WDR27: variants seen among roughly 807,000 people sequenced by gnomAD.
WDR27 encodes the protein WD repeat-containing protein 27.
In WDR27, 100 loss-of-function variants were observed where a neutral mutation model predicts 114.4. The ratio of observed to expected loss-of-function variants is 0.87; its 90% CI spans 0.74 to 1.03. The LOEUF (loss-of-function observed/expected upper bound fraction) is 1.03. WDR27 is among the 50% of genes least tolerant of loss of function. The pLI is 0.00. For missense variants in WDR27, 1,129 were observed against 1,092.9 expected (o/e 1.03, Z -0.47); for synonymous variants, 449 against 423.1 (o/e 1.06, Z -0.75).
chr6:169,435,033 C>T, the WDR27 span, among the ~76,000 whole-genome samples: 1 of 152,188 alleles, frequency 6.6e-6, no homozygotes, highest in Non-Finnish European at 1.5e-5. Flanking sequence ...GGACTTGGTG[C>T]CCTGTGTCCC....
intron 25 of WDR27, among the ~76,000 whole-genome samples, chr6:169,485,715 T>C (rs1788794185): frequency 6.6e-6 from 1 of 152,236 alleles, no homozygotes. Flanking sequence ...ACGTGTACGT[T>C]CACTGCAGCA....
chr6:169,509,576 T>C (rs1218730652), intron 25 of WDR27, among the ~76,000 whole-genome samples: 1 of 151,710 alleles, frequency 6.6e-6, no homozygotes, highest in Non-Finnish European at 1.5e-5. Flanking sequence ...TGGCTAGCCA[T>C]ATGTAGAAAG....
rs374881890 is a variant in WDR27, at chr6:169,574,728, C to G, written c.2524-2188G>C. On this transcript the variant is annotated intron_variant, in intron 24 of 25. Coordinates refer to ENST00000448612, the MANE Select transcript of WDR27 (RefSeq NM_182552.5). ...GCGCCCTGTCCCCAACCCTTTCTCACAGCCCAGTGCTCTCACCCTCAGTCC... is the reference window on the plus strand; with the variant it reads ...GCGCCCTGTCCCCAACCCTTTCTCAGAGCCCAGTGCTCTCACCCTCAGTCC... Among the ~76,000 whole-genome samples the G allele has an allele frequency of 2.0e-4, 30 of 152,334 alleles. No homozygotes were observed. The East Asian group carries it at 2.7e-3, about 14-fold the overall frequency.
intron 2 of WDR27, among the ~76,000 whole-genome samples, chr6:169,678,676 C>G (rs1040115127): frequency 2.0e-5 from 3 of 152,124 alleles, no homozygotes; most frequent in African/African-American, 4.8e-5. Context: ...ACCATAAATT[C>G]TCAGCAGATG....
At chr6:169,666,827 A>G (rs1827955011) in intron 6 of WDR27, 1 of 985,370 alleles carries the variant, frequency 1.0e-6, no homozygotes, top group Non-Finnish European at 1.2e-6. Flanking sequence ...GTGTTTCTAC[A>G]GAGAGCAGAA....
chr6:169,656,240 G>A (rs1476429907), intron 13 of WDR27, among the ~76,000 whole-genome samples: 2 of 152,184 alleles, frequency 1.3e-5, no homozygotes, highest in African/African-American at 4.8e-5. Context: ...ACCAATTAGG[G>A]AGGAGTGGGA....
chr6:169,645,663 G>C (rs1445990085), intron 16 of WDR27, among the ~76,000 whole-genome samples: 2 of 144,506 alleles, frequency 1.4e-5, no homozygotes, highest in Non-Finnish European at 3.1e-5. Flanking sequence ...TAGTTCATAT[G>C]AGTCACACTG....
At chr6:169,623,051 TC>T (rs1476322717) in intron 21 of WDR27, among the ~76,000 whole-genome samples, 1 of 151,966 alleles carries the variant, frequency 6.6e-6, no homozygotes, top group East Asian at 1.9e-4. Flanking sequence ...TCTGACCACC[TC>T]CCCCACCCCT....
chr6:169,438,241 T>C, the WDR27 span, among the ~76,000 whole-genome samples: 6 of 143,720 alleles, frequency 4.2e-5, no homozygotes, highest in Non-Finnish European at 1.5e-5. Context: ...TTTTTCTTTT[T>C]TTTTTTTTTT....
chr6:169,658,687 T>C (rs934370523), intron 12 of WDR27, among the ~76,000 whole-genome samples: 2 of 124,352 alleles, frequency 1.6e-5, no homozygotes, highest in Non-Finnish European at 3.5e-5. Flanking sequence ...CCGAGTTTTC[T>C]TTTTTTTTTT....
At chr6:169,669,256 G>A (rs992562067) in intron 4 of WDR27, among the ~76,000 whole-genome samples, 4 of 152,216 alleles carry the variant, frequency 2.6e-5, no homozygotes, top group Admixed American at 6.5e-5. Flanking sequence ...AGCACTTCAC[G>A]GACTCACGTG....
chr6:169,627,813 C>A (rs1815252490), intron 21 of WDR27, among the ~76,000 whole-genome samples: 1 of 152,214 alleles, frequency 6.6e-6, no homozygotes, highest in African/African-American at 2.4e-5. Context: ...TGGAGTCCAA[C>A]TCCCAGCTCA....
At chr6:169,515,556 C>T (rs1793535404) in intron 25 of WDR27, among the ~76,000 whole-genome samples, 2 of 152,094 alleles carry the variant, frequency 1.3e-5, no homozygotes, top group Middle Eastern at 3.4e-3. Flanking sequence ...CACATGAGTA[C>T]TTATTTTAAA....
intron 25 of WDR27, among the ~76,000 whole-genome samples, chr6:169,565,580 C>T (rs1800332278): frequency 6.6e-6 from 1 of 152,148 alleles, no homozygotes; most frequent in African/African-American, 2.4e-5. Flanking sequence ...TGGAAGGGTT[C>T]GAGCATGCAC....
chr6:169,601,124 C>T (rs1401537172), intron 23 of WDR27, among the ~76,000 whole-genome samples: 1 of 152,198 alleles, frequency 6.6e-6, no homozygotes, highest in Non-Finnish European at 1.5e-5. Context: ...TCGGGAGAAA[C>T]TCTACAAGCC....
chr6:169,526,191 A>G (rs752884306), intron 25 of WDR27, among the ~76,000 whole-genome samples: 17 of 152,228 alleles, frequency 1.1e-4, no homozygotes, highest in Non-Finnish European at 2.4e-4. Context: ...ATAGTTTACA[A>G]TAATACATTA....
intron 25 of WDR27, among the ~76,000 whole-genome samples, chr6:169,556,509 CCA>C (rs1245577141): frequency 6.6e-6 from 1 of 152,168 alleles, no homozygotes; most frequent in Admixed American, 6.5e-5. Context: ...GAATAAAAAA[CCA>C]CAAACATCCT....
intron 25 of WDR27, among the ~76,000 whole-genome samples, chr6:169,504,988 T>C (rs1409384633): frequency 6.6e-6 from 1 of 152,178 alleles, no homozygotes; most frequent in African/African-American, 2.4e-5. Flanking sequence ...ACTGTATGTT[T>C]TACTTCATCT....
At chr6:169,478,441 A>G (rs1179832321) in intron 25 of WDR27, among the ~76,000 whole-genome samples, 1 of 152,220 alleles carries the variant, frequency 6.6e-6, no homozygotes, top group Admixed American at 6.5e-5. Flanking sequence ...CACTAATAAA[A>G]TAATGTTGCT....
Sources: gnomAD v4.1 joint callset for allele counts (sites outside exome capture counted in the v4.1 genomes callset) on GRCh38, gnomAD v4.1.1 for gene constraint, MANE v1.5 for transcripts, NCBI Gene and HGNC (gene_info 2026-07-23, HGNC 2026-07-21) for gene names.